BAZ1B: variants seen among roughly 807,000 people sequenced by gnomAD.
BAZ1B encodes the protein tyrosine-protein kinase BAZ1B.
In BAZ1B, 22 loss-of-function variants were observed where a neutral mutation model predicts 153.8. That is an observed-to-expected ratio of 0.14 (90% CI 0.10 to 0.20). BAZ1B has a LOEUF of 0.20. Among genes scored for constraint, BAZ1B ranks in the 10% least tolerant of loss-of-function variants. The probability of loss-of-function intolerance (pLI) is 1.00; values close to 1 mark genes in which losing one functional copy is unlikely to be tolerated. For synonymous variants in BAZ1B, 676 were observed against 633.4 expected, an observed-to-expected ratio of 1.07 and a Z score of -1.01; for missense variants, 1,325 against 1,799.3, an observed-to-expected ratio of 0.74 and a Z score of 4.77.
chr7:73,442,648 GC>G, intron 18 of BAZ1B, 76 bp downstream of exon 18: 1 of 1,552,838 alleles, frequency 6.4e-7, no homozygotes. Context: ...TTGGCTGAGA[GC>G]CCCTCAGGGG....
chr7:73,466,768 TA>T (rs1320756804), intron 9 of BAZ1B, among the ~76,000 whole-genome samples: 1 of 152,214 alleles, frequency 6.6e-6, no homozygotes, highest in Non-Finnish European at 1.5e-5. Context: ...TGAGAACATA[TA>T]AATACTATAG....
chr7:73,488,313 T>A (rs1789495854), intron 6 of BAZ1B, among the ~76,000 whole-genome samples: 2 of 152,212 alleles, frequency 1.3e-5, no homozygotes, highest in South Asian at 4.1e-4. Context: ...TTAAGTCTTG[T>A]CATCACTTTC....
In BAZ1B at chr7:73,441,569, G is replaced by T. The variant is rs752607087; in HGVS notation, c.*140C>A. 1.3e-5 allele frequency: 2 copies of T among 152,388 alleles called. No individual in the cohort carries two copies. The highest frequency in any genetic ancestry group is 6.6e-5 in the Admixed American group (1 of 15,244). 9.4% of individuals were successfully genotyped at this position (152,388 alleles called of 1,614,324 possible). ...GGGTGGGAGGAGCTGTCACAAAGAA[G>T]GGGAGATTCAGGAATGGCTCCAGGA... On this transcript the variant is annotated 3_prime_UTR_variant, in exon 20 of 20. Transcript: ENST00000339594.
intron 13 of BAZ1B, among the ~76,000 whole-genome samples, chr7:73,458,443 A>C (rs1554569850): frequency 6.6e-6 from 1 of 152,150 alleles, no homozygotes; most frequent in African/African-American, 2.4e-5. Flanking sequence ...TGGGAGGCTG[A>C]GGTGGGCAGA....
intron 4 of BAZ1B, among the ~76,000 whole-genome samples, chr7:73,496,351 ACT>A (rs1487765075): frequency 1.3e-5 from 2 of 152,154 alleles, no homozygotes; most frequent in African/African-American, 4.8e-5. Context: ...CTACAATGAC[ACT>A]CTCAGAAGTT....
In BAZ1B at chr7:73,477,291, C is replaced by G; in HGVS notation, c.2170G>C (p.Val724Leu). The change falls in exon 7 of 20, where the codon GTA becomes CTA. Residue 724 changes from valine to leucine, a missense_variant. Around this residue, in one of 9 missense-constraint regions of BAZ1B, gnomAD observed 431 missense variants for 563.5 expected, o/e 0.76. Coordinates refer to ENST00000339594, the MANE Select transcript of BAZ1B (RefSeq NM_032408.4). This position sits in a 1 kb window ranked among gnomAD's most constrained non-coding sequence, Gnocchi z 5.6. Reference protein sequence around the residue: ...KDSAAFEDNEVQDEFLEKLET... With the variant: ...KDSAAFEDNELQDEFLEKLET... ...AGCTTTTCTAGGAACTCATCTTGTACCTCATTATCCTCAAATGCAGCTGAA... is the reference window on the plus strand; with the variant it reads ...AGCTTTTCTAGGAACTCATCTTGTAGCTCATTATCCTCAAATGCAGCTGAA... 6.2e-7 allele frequency: 1 copy of G among 1,614,204 alleles called. No homozygotes were observed. The highest frequency in any genetic ancestry group is 1.3e-5 in the African/African-American group (1 of 75,060).
At chr7:73,473,807 T>A (rs1554572396) in intron 7 of BAZ1B, among the ~76,000 whole-genome samples, 1 of 151,918 alleles carries the variant, frequency 6.6e-6, no homozygotes, top group Non-Finnish European at 1.5e-5. Context: ...CCACAAATAA[T>A]AAAAAGATTA....
chr7:73,504,930 G>A (rs1790275114), intron 3 of BAZ1B, among the ~76,000 whole-genome samples: 1 of 152,152 alleles, frequency 6.6e-6, no homozygotes, highest in South Asian at 2.1e-4. Context: ...GTAAATTATT[G>A]AAACAAAGAA....
At chr7:73,501,545 T>G (rs1554577160) in intron 3 of BAZ1B, among the ~76,000 whole-genome samples, 1 of 152,068 alleles carries the variant, frequency 6.6e-6, no homozygotes, top group African/African-American at 2.4e-5. Flanking sequence ...ATCTAGTGGA[T>G]AGAGGCCAGG....
intron 11 of BAZ1B, among the ~76,000 whole-genome samples, chr7:73,463,704 T>C (rs1554570735): frequency 6.6e-6 from 1 of 151,870 alleles, no homozygotes; most frequent in African/African-American, 2.4e-5. Flanking sequence ...TTTTCCTTTG[T>C]CTTTTTTTTT....
intron 12 of BAZ1B, among the ~76,000 whole-genome samples, chr7:73,462,046 C>T (rs1037688654): frequency 8.1e-4 from 124 of 152,268 alleles, no homozygotes; most frequent in African/African-American, 2.7e-3. Context: ...GGATTATAGG[C>T]GTGAGCCAAC....
chr7:73,459,445 A>T, intron 13 of BAZ1B, 91 bp downstream of exon 13: 1 of 1,334,098 alleles, frequency 7.5e-7, no homozygotes, highest in Non-Finnish European at 1.0e-6. Context: ...CACAGTGCCT[A>T]TAGCAGCTAA....
intron 4 of BAZ1B, 89 bp downstream of exon 4, chr7:73,498,408 T>C (rs1459161904): frequency 3.2e-6 from 4 of 1,248,492 alleles, no homozygotes; most frequent in Middle Eastern, 2.6e-4. Flanking sequence ...AAATCACACA[T>C]TTAGTTGCTA....
At chr7:73,461,217 C>CT (rs1213547859) in intron 12 of BAZ1B, among the ~76,000 whole-genome samples, 10 of 152,274 alleles carry the variant, frequency 6.6e-5, no homozygotes, top group African/African-American at 2.4e-4. Flanking sequence ...CTCAAGTGAT[C>CT]TGCCCACCTT....
At chr7:73,462,890 G>C in intron 12 of BAZ1B, 32 bp downstream of exon 12, 1 of 1,608,002 alleles carries the variant, frequency 6.2e-7, no homozygotes, top group Non-Finnish European at 8.5e-7. Flanking sequence ...GTTGCCATGA[G>C]TAATCTAAGG....
intron 7 of BAZ1B, among the ~76,000 whole-genome samples, chr7:73,474,338 C>T (rs1012579258): frequency 1.3e-5 from 2 of 152,158 alleles, no homozygotes; most frequent in African/African-American, 4.8e-5. Context: ...TGGAAGAAAA[C>T]AGGAGTAAAT....
intron 1 of BAZ1B, among the ~76,000 whole-genome samples, chr7:73,513,196 T>C (rs1486918404): frequency 6.6e-6 from 1 of 152,104 alleles, no homozygotes; most frequent in African/African-American, 2.4e-5. Flanking sequence ...CAAACAGTCC[T>C]CCTGCCTCAA....
At chr7:73,512,295 T>C (rs1017588388) in intron 1 of BAZ1B, among the ~76,000 whole-genome samples, 1 of 151,556 alleles carries the variant, frequency 6.6e-6, no homozygotes, top group Non-Finnish European at 1.5e-5. Flanking sequence ...GAGTTTTTTG[T>C]GTGATTTTTT....
At chr7:73,510,706 G>T in intron 2 of BAZ1B, 30 bp downstream of exon 2, 1 of 1,575,560 alleles carries the variant, frequency 6.3e-7, no homozygotes, top group Non-Finnish European at 8.7e-7. Flanking sequence ...TGTGAAGATG[G>T]TGGCAAAGAG....
Sources: allele counts gnomAD v4.1 joint callset (sites outside exome capture counted in the v4.1 genomes callset), GRCh38; gene constraint gnomAD v4.1.1; regional missense constraint gnomAD v4.1.1; non-coding constraint Gnocchi (gnomAD v3.1); transcripts MANE v1.5; gene names NCBI Gene and HGNC (gene_info 2026-07-23, HGNC 2026-07-21).